The following SDK2 variants were observed in gnomAD, a reference collection of about 807,000 sequenced individuals.
SDK2 encodes sidekick cell adhesion molecule 2.
In SDK2, 105 loss-of-function variants were observed where a neutral mutation model predicts 253.9. That is an observed-to-expected ratio of 0.41 (90% CI 0.35 to 0.49). The LOEUF is 0.49. SDK2 is among the 20% of genes least tolerant of loss of function. SDK2 has a pLI of 0.06. For missense variants in SDK2, 2,608 were observed against 3,003.0 expected, an observed-to-expected ratio of 0.87 and a Z score of 3.07; for synonymous variants, 1,249 against 1,234.9, an observed-to-expected ratio of 1.01 and a Z score of -0.24.
At chr17:73,429,953 C>T (rs55653590) in intron 12 of SDK2, among the ~76,000 whole-genome samples, 232 of 152,324 alleles carry the variant, frequency 1.5e-3, no homozygotes, top group African/African-American at 5.3e-3. Flanking sequence ...AAGGTCCCGG[C>T]TTGGCCATGG....
chr17:73,462,091 TG>T (rs1484745257), intron 3 of SDK2, among the ~76,000 whole-genome samples: 8 of 152,180 alleles, frequency 5.3e-5, no homozygotes, highest in African/African-American at 9.6e-5. Flanking sequence ...GCATGTATGG[TG>T]GGATGGATGG....
chr17:73,526,430 G>A (rs1452717586), intron 1 of SDK2, among the ~76,000 whole-genome samples: 1 of 152,180 alleles, frequency 6.6e-6, no homozygotes, highest in East Asian at 1.9e-4. Flanking sequence ...AAGGGGGTGG[G>A]AATAATGTAT....
chr17:73,617,185 G>T (rs2046069679), intron 1 of SDK2, among the ~76,000 whole-genome samples: 1 of 150,534 alleles, frequency 6.6e-6, no homozygotes, highest in Non-Finnish European at 1.5e-5. Context: ...GAGGGCTCCA[G>T]GGGAGGGGAG....
chr17:73,591,863 C>A (rs1359162901), intron 1 of SDK2, among the ~76,000 whole-genome samples: 1 of 152,148 alleles, frequency 6.6e-6, no homozygotes, highest in Non-Finnish European at 1.5e-5. Flanking sequence ...AGGAAGCCTC[C>A]TCATCTTCAA....
At chr17:73,593,112 TC>T (rs1329505151) in intron 1 of SDK2, among the ~76,000 whole-genome samples, 2 of 152,076 alleles carry the variant, frequency 1.3e-5, no homozygotes, top group South Asian at 4.2e-4. Context: ...CTCCTCCTCC[TC>T]CCCACCCCAG....
chr17:73,527,914 T>TGGTGAGA (rs2064138792), intron 1 of SDK2, among the ~76,000 whole-genome samples: 3 of 149,944 alleles, frequency 2.0e-5, no homozygotes, highest in Admixed American at 2.0e-4. Context: ...ACGATGGGGG[T>TGGTGAGA]GGTGAGAAGA....
chr17:73,627,167 C>T lies in SDK2; in HGVS notation c.64+16858G>A, dbSNP rs916292096. Reference sequence around the variant, plus strand: ...ATTCGATGTGTTAATACATGTGAGGCGCTTAGAACACAGACTGGGAAGGGG... The same window carrying T: ...ATTCGATGTGTTAATACATGTGAGGTGCTTAGAACACAGACTGGGAAGGGG... On this transcript the variant is annotated intron_variant, in intron 1 of 44. Coordinates refer to ENST00000392650, the MANE Select transcript of SDK2 (RefSeq NM_001144952.2). Among the ~76,000 whole-genome samples, 5 of 152,062 alleles carry T rather than the reference C, an allele frequency of 3.3e-5. No individual in the cohort carries two copies. The South Asian group carries it at 6.2e-4, about 19-fold the overall frequency.
intron 3 of SDK2, among the ~76,000 whole-genome samples, chr17:73,470,695 CACTT>C (rs770305216): frequency 1.1e-4 from 16 of 152,244 alleles, no homozygotes; most frequent in Non-Finnish European, 7.3e-5. Context: ...CTCTTTGCCT[CACTT>C]GAGATTTTCT....
intron 3 of SDK2, among the ~76,000 whole-genome samples, chr17:73,469,120 G>T (rs187172196): frequency 1.4e-3 from 209 of 152,294 alleles, no homozygotes; most frequent in African/African-American, 5.0e-3. Flanking sequence ...ACTGCACCTG[G>T]CCAGACCACT....
In SDK2 at chr17:73,575,223, G is replaced by A. The variant is rs78558095; in HGVS notation, c.65-67626C>T. ...CAATGGGGCGAATGACACCTGCATC[G>A]GGAAGATCAAAGCCACTGCTGAGTT... is the stretch of plus-strand genomic sequence containing the variant. On this transcript the variant is annotated intron_variant, in intron 1 of 44. Transcript: ENST00000392650. Among the ~76,000 whole-genome samples the A allele has an allele frequency of 1.6e-4, 25 of 152,264 alleles. No individual in the cohort carries two copies. In the East Asian group the frequency reaches 4.8e-3, roughly 29 times the overall value.
chr17:73,387,690 C>T lies in SDK2; in HGVS notation c.4394+146G>A, dbSNP rs902615047. On this transcript the variant is annotated intron_variant, in intron 30 of 44. Coordinates refer to ENST00000392650, the MANE Select transcript of SDK2 (RefSeq NM_001144952.2). ...TGATTTGCGAGGGTGAGAGTGGACG[C>T]GGGGGCCGCCTGGGTGGTGCATGTA... 150 of 666,684 alleles carry T rather than the reference C, an allele frequency of 2.2e-4. 1 individual carries two copies. In the African/African-American group the frequency reaches 2.3e-3, roughly 10 times the overall value. 41.3% of individuals were successfully genotyped at this position (666,684 alleles called of 1,614,324 possible). A position where few individuals can be genotyped will look rare whatever the true frequency, so the allele number is the denominator to read the frequency against.
chr17:73,614,965 C>A (rs927815102), intron 1 of SDK2, among the ~76,000 whole-genome samples: 9 of 139,902 alleles, frequency 6.4e-5, no homozygotes, highest in Non-Finnish European at 1.5e-5. Context: ...CATGTGTGTC[C>A]CCTGAATAGA....
chr17:73,604,847 C>T (rs1244533210), intron 1 of SDK2, among the ~76,000 whole-genome samples: 4 of 152,046 alleles, frequency 2.6e-5, no homozygotes, highest in Non-Finnish European at 4.4e-5. Flanking sequence ...GCGTGGTGGG[C>T]GAGGATGCCA....
intron 2 of SDK2, among the ~76,000 whole-genome samples, chr17:73,500,542 C>G (rs2063882009): frequency 6.7e-6 from 1 of 149,376 alleles, no homozygotes; most frequent in African/African-American, 2.5e-5. Flanking sequence ...CATCCCCCCT[C>G]AGTTCTCCTT....
At chr17:73,491,441 C>T (rs1016675250) in intron 2 of SDK2, among the ~76,000 whole-genome samples, 3 of 151,046 alleles carry the variant, frequency 2.0e-5, no homozygotes, top group African/African-American at 4.9e-5. Flanking sequence ...GGCACGATCA[C>T]GGCTCACTGC....
At chr17:73,509,461 G>C (rs946342238) in intron 1 of SDK2, among the ~76,000 whole-genome samples, 1 of 152,032 alleles carries the variant, frequency 6.6e-6, no homozygotes, top group Non-Finnish European at 1.5e-5. Context: ...CTGGAAGGTG[G>C]AAAACACCAG....
At chr17:73,624,466 C>T (rs1289937813) in intron 1 of SDK2, among the ~76,000 whole-genome samples, 1 of 152,212 alleles carries the variant, frequency 6.6e-6, no homozygotes, top group Non-Finnish European at 1.5e-5. Flanking sequence ...TGTGCCATTG[C>T]ACTCTAGAGA....
At chr17:73,588,211 C>CCG (rs2045630549) in intron 1 of SDK2, among the ~76,000 whole-genome samples, 1 of 149,802 alleles carries the variant, frequency 6.7e-6, no homozygotes, top group Admixed American at 6.6e-5. Context: ...CCCCCCCTCC[C>CCG]CCGCCATCTC....
intron 1 of SDK2, among the ~76,000 whole-genome samples, chr17:73,619,336 A>G (rs2046100224): frequency 6.6e-6 from 1 of 152,176 alleles, no homozygotes; most frequent in Admixed American, 6.5e-5. Flanking sequence ...CAGACAGCTA[A>G]CCCTCCAGCA....
Sources: allele counts gnomAD v4.1 joint callset (sites outside exome capture counted in the v4.1 genomes callset), GRCh38; gene constraint gnomAD v4.1.1; transcripts MANE v1.5; gene names NCBI Gene and HGNC (gene_info 2026-07-23, HGNC 2026-07-21).